FNDC3A: variants seen among roughly 807,000 people sequenced by gnomAD.
FNDC3A encodes the protein fibronectin type-III domain-containing protein 3A.
In FNDC3A, 32 loss-of-function variants were observed where a neutral mutation model predicts 148.9. The ratio of observed to expected loss-of-function variants is 0.21; its 90% CI spans 0.16 to 0.29. The LOEUF is 0.29. Ranked by LOEUF, FNDC3A falls within the 10% of genes least tolerant of loss-of-function variation. The pLI, the probability that FNDC3A is intolerant of heterozygous loss-of-function variation, is 1.00. For missense variants in FNDC3A, 1,191 were observed against 1,452.8 expected (o/e 0.82, Z 2.93); for synonymous variants, 472 against 473.6 (o/e 1.00, Z 0.04).
chr13:49,007,349 T>C (rs1402253251), intron 2 of FNDC3A, among the ~76,000 whole-genome samples: 10 of 152,116 alleles, frequency 6.6e-5, no homozygotes, highest in Non-Finnish European at 4.4e-5. Flanking sequence ...CGTGCTCTTA[T>C]CCCAGCAATT....
Position 49,131,330 on chromosome 13 carries a change from A to G in FNDC3A, c.446A>G (p.Gln149Arg), listed in dbSNP as rs1882020812. ...PVTGAGDMTT[Q>R]YMPQYQSSQV... is the part of the protein sequence containing the mutation. ...ACTGGAGCTGGAGACATGACAACAC[A>G]GTATATGCCACAGTATCAGTCTTCA... The change falls in exon 5 of 26, where the codon CAG becomes CGG. Residue 149 changes from glutamine (Q) to arginine (R), a missense_variant. By Grantham distance (43) the Gln-to-Arg change is conservative. This residue lies in a region of FNDC3A where 426 missense variants were observed against 473.2 expected (regional missense o/e 0.90). Transcript: ENST00000492622. The G allele has an allele frequency of 6.2e-7, 1 of 1,614,052 alleles. No homozygotes were observed. Among genetic ancestry groups the G allele is most frequent in the Admixed American group, 1.7e-5 (1 of 60,026 alleles).
chr13:49,044,947 AGTAAAGAGCAT>A (rs1246149182), intron 2 of FNDC3A: 2 of 296,586 alleles, frequency 6.7e-6, no homozygotes, highest in African/African-American at 2.3e-5. Flanking sequence ...TACTACCCTG[AGTAAAGAGCAT>A]GTATTCTTTT....
At chr13:49,206,594 G>A (rs1593756842) in intron 25 of FNDC3A, among the ~76,000 whole-genome samples, 2 of 152,248 alleles carry the variant, frequency 1.3e-5, no homozygotes, top group African/African-American at 2.4e-5. Flanking sequence ...TTTATACAGT[G>A]ATTTGCCATA....
At chr13:49,016,223 C>T (rs1419769743) in intron 2 of FNDC3A, among the ~76,000 whole-genome samples, 2 of 152,132 alleles carry the variant, frequency 1.3e-5, no homozygotes, top group African/African-American at 4.8e-5. Flanking sequence ...GCTGTGAATC[C>T]ATCTGGTCCT....
rs1202677830 is a variant in FNDC3A, at chr13:49,207,084, T to C, written c.3286T>C (p.Tyr1096His). 1 of 1,610,286 alleles carries C rather than the reference T, an allele frequency of 6.2e-7. No individual in the cohort carries two copies. Among genetic ancestry groups the C allele is most frequent in the Admixed American group, 1.7e-5 (1 of 59,864 alleles). ...LGKDSEFKQI[Y>H]KGPDSSFRYS... ...CCTTCTAATATTTTATTAACAGATT[T>C]ACAAGGGTCCCGACTCTTCCTTCCG... The change falls in exon 26 of 26, where the codon TAC becomes CAC. Residue 1096 changes from tyrosine (Y) to histidine (H), a missense_variant. This residue lies in a region of FNDC3A where 751 missense variants were observed against 944.0 expected (regional missense o/e 0.80). Transcript: ENST00000492622.
At chr13:49,098,595 AAC>A (rs1412124643) in intron 3 of FNDC3A, among the ~76,000 whole-genome samples, 1 of 152,166 alleles carries the variant, frequency 6.6e-6, no homozygotes, top group Non-Finnish European at 1.5e-5. Flanking sequence ...GTGCTTGGTA[AAC>A]ACATCTCCTT....
chr13:49,061,146 G>A (rs531806142), intron 2 of FNDC3A, among the ~76,000 whole-genome samples: 258 of 151,814 alleles, frequency 1.7e-3, no homozygotes, highest in African/African-American at 6.1e-3. Flanking sequence ...ATCTCACTCT[G>A]TCACTCAGGC....
At chr13:49,133,702 A>T (rs546564404) in intron 5 of FNDC3A, among the ~76,000 whole-genome samples, 1 of 152,350 alleles carries the variant, frequency 6.6e-6, no homozygotes, top group South Asian at 2.1e-4. Flanking sequence ...ATGCTCACAC[A>T]TGTATTATCT....
intron 2 of FNDC3A, among the ~76,000 whole-genome samples, chr13:49,019,876 T>C (rs1347089143): frequency 6.6e-6 from 1 of 152,232 alleles, no homozygotes. Context: ...ATTCTTTGGT[T>C]AAATTTGTGT....
In FNDC3A at chr13:49,207,283, C is replaced by T; in HGVS notation, c.3485C>T (p.Thr1162Ile). 6.2e-7 allele frequency: 1 copy of T among 1,614,214 alleles called. No homozygotes were observed. The highest frequency in any genetic ancestry group is 1.3e-5 in the African/African-American group (1 of 75,072). The change falls in exon 26 of 26, where the codon ACA becomes ATA. Residue 1162 changes from threonine (T) to isoleucine (I), a missense_variant. Physicochemically the swap from Thr to Ile is moderately conservative, Grantham distance 89 (BLOSUM62 -1). Around this residue, in one of 3 missense-constraint regions of FNDC3A, gnomAD observed 751 missense variants for 944.0 expected, o/e 0.80. Transcript: ENST00000492622. ...ACCAACAGAGACACTGTGGAAAGCACAAGGACCCGACGGGCACTGAGTGAC... is the reference window on the plus strand; with the variant it reads ...ACCAACAGAGACACTGTGGAAAGCATAAGGACCCGACGGGCACTGAGTGAC... The part of the protein sequence containing the change: ...ASTNRDTVES[T>I]RTRRALSDEQ...
intron 4 of FNDC3A, among the ~76,000 whole-genome samples, chr13:49,121,904 T>C (rs1308818436): frequency 6.6e-6 from 1 of 152,060 alleles, no homozygotes; most frequent in Non-Finnish European, 1.5e-5. Context: ...ATTCACAGCC[T>C]AATTCTACCA....
intron 16 of FNDC3A, 178 bp downstream of exon 16, chr13:49,187,368 T>G: frequency 1.2e-6 from 1 of 844,542 alleles, no homozygotes; most frequent in South Asian, 1.5e-5. Flanking sequence ...TGTCATAAGT[T>G]TATTGACAAA....
intron 2 of FNDC3A, among the ~76,000 whole-genome samples, chr13:49,035,473 C>T (rs1874428357): frequency 6.6e-6 from 1 of 151,906 alleles, no homozygotes; most frequent in Admixed American, 6.6e-5. Flanking sequence ...CTACAGTTTA[C>T]AGTTAAATTA....
At position 49,144,200 on chromosome 13, in the gene FNDC3A, G is replaced by GA. The variant is rs1028623534; in HGVS notation, c.820-1569dup. Among the ~76,000 whole-genome samples, 61 of 149,192 alleles carry GA rather than the reference G, an allele frequency of 4.1e-4. No individual in the cohort carries two copies. In the East Asian group the frequency reaches 4.7e-3, roughly 12 times the overall value. ...TATAGTAGCAGTTTGTTTTAAAAAA[G>GA]AAAAAAAAACCTGCTCAGTTTCAAG... On this transcript the variant is annotated intron_variant, in intron 7 of 25. Transcript: ENST00000492622.
chr13:48,985,657 C>G (rs888518107), intron 1 of FNDC3A, among the ~76,000 whole-genome samples: 1 of 151,778 alleles, frequency 6.6e-6, no homozygotes, highest in East Asian at 1.9e-4. Flanking sequence ...CATACACACA[C>G]AAAAAAAATA....
At chr13:49,132,550 T>C (rs1162481832) in intron 5 of FNDC3A, among the ~76,000 whole-genome samples, 1 of 152,220 alleles carries the variant, frequency 6.6e-6, no homozygotes, top group Non-Finnish European at 1.5e-5. Context: ...ACATTTTAAA[T>C]ATTCTGACAT....
intron 3 of FNDC3A, among the ~76,000 whole-genome samples, chr13:49,112,370 C>A (rs1265706558): frequency 1.3e-5 from 2 of 152,072 alleles, no homozygotes; most frequent in African/African-American, 4.8e-5. Context: ...TAAAACAGTT[C>A]TCATTTCTCT....
intron 3 of FNDC3A, among the ~76,000 whole-genome samples, chr13:49,089,980 A>G (rs865827769): frequency 2.0e-5 from 3 of 152,200 alleles, no homozygotes; most frequent in Non-Finnish European, 4.4e-5. Context: ...CAAGTGGCCT[A>G]GGTTACTTTT....
At chr13:48,981,900 T>C (rs1264797860) in intron 1 of FNDC3A, among the ~76,000 whole-genome samples, 2 of 152,118 alleles carry the variant, frequency 1.3e-5, no homozygotes, top group Non-Finnish European at 2.9e-5. Flanking sequence ...ATTTGAACTT[T>C]TAAAAACTTA....
Sources: gnomAD v4.1 joint callset for allele counts (sites outside exome capture counted in the v4.1 genomes callset) on GRCh38, gnomAD v4.1.1 for gene constraint, gnomAD v4.1.1 regional missense constraint, MANE v1.5 for transcripts, NCBI Gene and HGNC (gene_info 2026-07-23, HGNC 2026-07-21) for gene names.